The following BMPR1A variants were observed in gnomAD, a reference collection of about 807,000 sequenced individuals.
BMPR1A encodes the protein bone morphogenetic protein receptor type 1A, also known as bone morphogenetic protein receptor type-1A.
In BMPR1A, 7 loss-of-function variants were observed where a neutral mutation model predicts 66.0. That is an observed-to-expected ratio of 0.11 (90% CI 0.06 to 0.20). BMPR1A has a LOEUF of 0.20. Ranked by LOEUF, BMPR1A falls within the 10% of genes least tolerant of loss-of-function variation. The pLI, the probability that BMPR1A is intolerant of heterozygous loss-of-function variation, is 1.00. For synonymous variants in BMPR1A, 200 were observed against 229.7 expected, an observed-to-expected ratio of 0.87 and a Z score of 1.17; for missense variants, 408 against 669.1, an observed-to-expected ratio of 0.61 and a Z score of 4.31.
upstream of BMPR1A, chr10:86,755,931 T>A (rs1351139557): frequency 6.6e-6 from 1 of 152,014 alleles, no homozygotes. Flanking sequence ...CTCGGCACGC[T>A]GGCAAGGAGC....
chr10:86,926,686 TA>T lies in BMPR1A; in HGVS notation c.*2970del, dbSNP rs1843751663. ...AAGTATTATGTAGTACCATAGTTAG[TA>T]AATTCGTAAAACCTTGGAAGCCATT... On this transcript the variant is annotated 3_prime_UTR_variant, in exon 13 of 13. Transcript: ENST00000372037. The T allele has an allele frequency of 5.5e-6, 1 of 182,996 alleles. No individual in the cohort carries two copies. The highest frequency in any genetic ancestry group is 1.2e-5 in the Non-Finnish European group (1 of 86,106). The allele number at this position is 182,996 out of a possible 1,614,324, so 11.3% of individuals were successfully genotyped here. A position where few individuals can be genotyped will look rare whatever the true frequency, so the allele number is the denominator to read the frequency against.
chr10:86,810,382 T>C (rs1841952130), intron 1 of BMPR1A, among the ~76,000 whole-genome samples: 1 of 152,248 alleles, frequency 6.6e-6, no homozygotes, highest in Admixed American at 6.5e-5. Context: ...ATAATGCTGC[T>C]ATGAGCATAT....
At chr10:86,889,968 A>G in intron 3 of BMPR1A, 94 bp from the exon 4 acceptor site, 1 of 1,345,160 alleles carries the variant, frequency 7.4e-7, no homozygotes, top group African/African-American at 1.4e-5. Context: ...TTATTGTGAT[A>G]AGAAAGCTTA....
chr10:86,768,619 A>T (rs1456117559), intron 1 of BMPR1A, among the ~76,000 whole-genome samples: 2 of 152,278 alleles, frequency 1.3e-5, no homozygotes. Flanking sequence ...CAAAGAAGGC[A>T]TTAATAGCTT....
chr10:86,783,499 G>T (rs550310994), intron 1 of BMPR1A, among the ~76,000 whole-genome samples: 8 of 152,270 alleles, frequency 5.3e-5, no homozygotes, highest in African/African-American at 1.4e-4. Flanking sequence ...TTTCCCATTT[G>T]TGTGTTTAAT....
At position 86,923,967 on chromosome 10, in the gene BMPR1A, G is replaced by A. The variant is rs1843706488; in HGVS notation, c.*248G>A. ...TGTGGTTTTTGATGCCTTTTTTTAA[G>A]TGGGTTTTTATGAACTGCATCAAGA... On this transcript the variant is annotated 3_prime_UTR_variant, in exon 13 of 13. Coordinates refer to ENST00000372037, the MANE Select transcript of BMPR1A (RefSeq NM_004329.3). The A allele has an allele frequency of 5.8e-6, 3 of 516,058 alleles. No individual in the cohort carries two copies. The highest frequency in any genetic ancestry group is 3.2e-5 in the Admixed American group (1 of 30,784). The allele number at this position is 516,058 out of a possible 1,614,324, so 32.0% of individuals were successfully genotyped here. A position where few individuals can be genotyped will look rare whatever the true frequency, so the allele number is the denominator to read the frequency against.
intron 5 of BMPR1A, among the ~76,000 whole-genome samples, chr10:86,894,131 GAATA>G (rs764566476): frequency 1.3e-5 from 2 of 152,224 alleles, no homozygotes; most frequent in Non-Finnish European, 2.9e-5. Flanking sequence ...AAAAAGTAGA[GAATA>G]AATAGCCCTG....
At chr10:86,881,051 G>A (rs1220023252) in intron 3 of BMPR1A, among the ~76,000 whole-genome samples, 2 of 151,920 alleles carry the variant, frequency 1.3e-5, no homozygotes, top group Non-Finnish European at 2.9e-5. Flanking sequence ...AATAGTTTGA[G>A]ACCAGCCTGG....
At position 86,903,848 on chromosome 10, in the gene BMPR1A, C is replaced by T. The variant is rs867964268; in HGVS notation, c.530+3722C>T. On this transcript the variant is annotated intron_variant, in intron 7 of 12. Transcript: ENST00000372037. Reference sequence around the variant, plus strand: ...GTCTCGATCTCCTGACCTCATGATCCGCCCGCCTTGGCCTCCCAAAGTGCT... The same window carrying T: ...GTCTCGATCTCCTGACCTCATGATCTGCCCGCCTTGGCCTCCCAAAGTGCT... Among the ~76,000 whole-genome samples, 6 of 152,048 alleles carry T rather than the reference C, an allele frequency of 3.9e-5. No homozygotes were observed. In the South Asian group the frequency reaches 1.2e-3, roughly 32 times the overall value.
chr10:86,907,952 T>C (rs1294846684), intron 7 of BMPR1A, among the ~76,000 whole-genome samples: 1 of 152,198 alleles, frequency 6.6e-6, no homozygotes, highest in East Asian at 1.9e-4. Context: ...TATTGTGTAT[T>C]TCAAAGTAGC....
intron 2 of BMPR1A, among the ~76,000 whole-genome samples, chr10:86,870,871 T>A (rs1402173409): frequency 6.6e-6 from 1 of 152,140 alleles, no homozygotes; most frequent in Non-Finnish European, 1.5e-5. Flanking sequence ...ATATTCTGCT[T>A]ACTCATCTGT....
chr10:86,784,331 T>C (rs1361263572), intron 1 of BMPR1A, among the ~76,000 whole-genome samples: 1 of 152,208 alleles, frequency 6.6e-6, no homozygotes, highest in Non-Finnish European at 1.5e-5. Context: ...TTTTGTCAGA[T>C]GCTTTTTCTG....
chr10:86,897,693 A>C (rs765132590), intron 5 of BMPR1A, among the ~76,000 whole-genome samples: 1 of 152,042 alleles, frequency 6.6e-6, no homozygotes, highest in Non-Finnish European at 1.5e-5. Context: ...TGCAGCCTCA[A>C]CCTCCTGGGT....
intron 11 of BMPR1A, among the ~76,000 whole-genome samples, chr10:86,922,785 C>T (rs1342903753): frequency 2.0e-5 from 3 of 152,264 alleles, no homozygotes; most frequent in Non-Finnish European, 4.4e-5. Flanking sequence ...AGAATTCCAG[C>T]AGGAAAGCAG....
chr10:86,804,243 A>T (rs1841853054), intron 1 of BMPR1A, among the ~76,000 whole-genome samples: 4 of 152,032 alleles, frequency 2.6e-5, no homozygotes, highest in African/African-American at 9.7e-5. Context: ...TGTATCACAT[A>T]GTTTTCTTTT....
intron 1 of BMPR1A, among the ~76,000 whole-genome samples, chr10:86,791,276 G>A (rs1029803675): frequency 5.3e-5 from 8 of 149,884 alleles, no homozygotes; most frequent in Non-Finnish European, 8.9e-5. Context: ...GCAGTGGTGC[G>A]ATCTCGGCTC....
chr10:86,866,312 C>T (rs1200994847), intron 2 of BMPR1A, among the ~76,000 whole-genome samples: 1 of 145,386 alleles, frequency 6.9e-6, no homozygotes, highest in Non-Finnish European at 1.5e-5. Flanking sequence ...CTGCCAGCGC[C>T]TTAACATGCA....
At chr10:86,877,533 T>C (rs1249550949) in intron 3 of BMPR1A, among the ~76,000 whole-genome samples, 1 of 152,200 alleles carries the variant, frequency 6.6e-6, no homozygotes, top group Non-Finnish European at 1.5e-5. Flanking sequence ...AGCACAAACA[T>C]AGAATGAAAT....
chr10:86,853,725 A>G (rs763725399), intron 2 of BMPR1A, among the ~76,000 whole-genome samples: 27 of 152,168 alleles, frequency 1.8e-4, no homozygotes, highest in South Asian at 4.1e-4. Context: ...GAAACCAGCA[A>G]TTTTTTATTA....
Sources: gnomAD v4.1 joint callset for allele counts (sites outside exome capture counted in the v4.1 genomes callset) on GRCh38, gnomAD v4.1.1 for gene constraint, MANE v1.5 for transcripts, NCBI Gene and HGNC (gene_info 2026-07-23, HGNC 2026-07-21) for gene names.